Variants in TENM4 observed in about 807,000 individuals in gnomAD.
The protein encoded by TENM4 is teneurin-4.
Under a neutral mutation model 243.3 loss-of-function variants are expected in TENM4, and 82 were observed. That is an observed-to-expected ratio of 0.34 (90% CI 0.28 to 0.40). TENM4 has a LOEUF of 0.40. Ranked by LOEUF, TENM4 falls within the 10% of genes least tolerant of loss-of-function variation. TENM4 has a pLI of 1.00. For missense variants in TENM4, 3,138 were observed against 3,673.3 expected (o/e 0.85, Z 3.77); for synonymous variants, 1,412 against 1,456.3 (o/e 0.97, Z 0.69).
At chr11:79,244,761 C>T (rs1855483871) in intron 2 of TENM4, among the ~76,000 whole-genome samples, 1 of 152,174 alleles carries the variant, frequency 6.6e-6, no homozygotes, top group Admixed American at 6.5e-5. Flanking sequence ...CCTGTATCCA[C>T]AGCAGACTAG....
chr11:78,984,025 G>A (rs1857864196), intron 6 of TENM4, among the ~76,000 whole-genome samples: 1 of 152,174 alleles, frequency 6.6e-6, no homozygotes, highest in Admixed American at 6.5e-5. Flanking sequence ...GGAGTGGGAG[G>A]CAGGCAGGAA....
intron 6 of TENM4, among the ~76,000 whole-genome samples, chr11:78,932,904 C>T (rs564197326): frequency 5.3e-5 from 8 of 152,290 alleles, no homozygotes; most frequent in East Asian, 3.9e-4. Context: ...TCCTGCTGTG[C>T]GGCCTGGTTC....
chr11:79,041,547 CT>C (rs1294549901), intron 6 of TENM4, among the ~76,000 whole-genome samples: 1 of 149,094 alleles, frequency 6.7e-6, no homozygotes, highest in Admixed American at 6.7e-5. Context: ...GGAGAAGATT[CT>C]TTTTAAAACT....
At chr11:78,765,337 G>C (rs571942823) in intron 18 of TENM4, among the ~76,000 whole-genome samples, 1 of 152,322 alleles carries the variant, frequency 6.6e-6, no homozygotes, top group Non-Finnish European at 1.5e-5. Flanking sequence ...CTTATCATGA[G>C]AAATGTGGTT....
intron 2 of TENM4, among the ~76,000 whole-genome samples, chr11:79,234,448 C>G (rs1033368066): frequency 1.3e-5 from 2 of 152,198 alleles, no homozygotes; most frequent in South Asian, 4.2e-4. Flanking sequence ...TCGGGCAATT[C>G]ACTGCATGGG....
At chr11:79,276,659 C>T (rs1237230714) in intron 2 of TENM4, among the ~76,000 whole-genome samples, 1 of 152,098 alleles carries the variant, frequency 6.6e-6, no homozygotes, top group African/African-American at 2.4e-5. Flanking sequence ...GGTTACAGAA[C>T]CCACCCCTCC....
At position 78,795,379 on chromosome 11, in the gene TENM4, C is replaced by T. The variant is rs193196790; in HGVS notation, c.2180-8296G>A. On this transcript the variant is annotated intron_variant, in intron 15 of 33. Coordinates refer to ENST00000278550, the MANE Select transcript of TENM4 (RefSeq NM_001098816.3). ...AGGACAGAGTGCTCACGTAACTGTT[C>T]AAGATTCTGTGATTTTTCAGAGAAG... Among the ~76,000 whole-genome samples, 13 of 152,220 alleles carry T rather than the reference C, an allele frequency of 8.5e-5. No homozygotes were observed. The South Asian group carries it at 1.0e-3, about 12-fold the overall frequency.
At chr11:79,411,493 A>G (rs1240090619) in intron 1 of TENM4, among the ~76,000 whole-genome samples, 1 of 152,210 alleles carries the variant, frequency 6.6e-6, no homozygotes, top group Non-Finnish European at 1.5e-5. Context: ...AAGAATCAGG[A>G]CTAGGTCTGT....
At chr11:79,138,479 A>AAT (rs1862165786) in intron 4 of TENM4, among the ~76,000 whole-genome samples, 2 of 118,226 alleles carry the variant, frequency 1.7e-5, no homozygotes, top group East Asian at 2.2e-4. Flanking sequence ...ATTATATACA[A>AAT]ATAATATATA....
chr11:79,412,589 A>C (rs927320661), intron 1 of TENM4, among the ~76,000 whole-genome samples: 2 of 152,252 alleles, frequency 1.3e-5, no homozygotes, highest in African/African-American at 4.8e-5. Flanking sequence ...GAAAAGTAAC[A>C]GTCCTTACTT....
Position 78,670,404 on chromosome 11 carries a change from G to A in TENM4, c.5941C>T (p.Pro1981Ser), listed in dbSNP as rs371772071. 31 of 1,613,862 alleles carry A rather than the reference G, an allele frequency of 1.9e-5. No individual in the cohort carries two copies. Among genetic ancestry groups the A allele is most frequent in the Non-Finnish European group, 2.6e-5 (31 of 1,179,904 alleles). ...ATGACTGAGGCATTGCCCTCAGGGG[G>A]CTGATAGATGTTTCTGTAGTAGCCC... is the stretch of plus-strand genomic sequence containing the variant. ...SVGYYRNIYQ[P>S]PEGNASVIQD... Residue 1981 changes from proline to serine, a missense_variant, in exon 32 of 34, where the codon CCC becomes TCC. By Grantham distance (74) the Pro-to-Ser change is moderately conservative (BLOSUM62 -1). This residue lies in a region of TENM4 where 2,467 missense variants were observed against 3,059.1 expected (regional missense o/e 0.81). Transcript: ENST00000278550.
chr11:79,289,740 G>A (rs1304813424), intron 2 of TENM4, among the ~76,000 whole-genome samples: 1 of 152,136 alleles, frequency 6.6e-6, no homozygotes, highest in Non-Finnish European at 1.5e-5. Flanking sequence ...TGCCATTCCT[G>A]CACAAACTAT....
chr11:79,169,125 C>G (rs1209117071), intron 3 of TENM4, among the ~76,000 whole-genome samples: 1 of 152,182 alleles, frequency 6.6e-6, no homozygotes, highest in Non-Finnish European at 1.5e-5. Flanking sequence ...TGGCTGGTCA[C>G]CCAGACCCAC....
intron 1 of TENM4, among the ~76,000 whole-genome samples, chr11:79,306,525 T>C (rs749404750): frequency 5.9e-5 from 9 of 152,074 alleles, no homozygotes; most frequent in Non-Finnish European, 1.2e-4. Context: ...CAGGGCAAGA[T>C]AGGTGGGCTG....
intron 1 of TENM4, among the ~76,000 whole-genome samples, chr11:79,436,392 G>A (rs1859271675): frequency 6.6e-6 from 1 of 152,118 alleles, no homozygotes; most frequent in Admixed American, 6.5e-5. Context: ...GTAATATTGT[G>A]CCATTTTACA....
chr11:78,687,351 G>A (rs774711237), intron 29 of TENM4, among the ~76,000 whole-genome samples: 1 of 152,168 alleles, frequency 6.6e-6, no homozygotes, highest in Non-Finnish European at 1.5e-5. Context: ...TCCTTTCACT[G>A]CTTCGTGTGA....
chr11:78,889,565 A>C, intron 9 of TENM4, among the ~76,000 whole-genome samples: 1 of 152,160 alleles, frequency 6.6e-6, no homozygotes, highest in Admixed American at 6.6e-5. Context: ...TTCCTTCCTG[A>C]TATAAGTGCA....
chr11:79,117,578 A>G (rs1406515136), intron 4 of TENM4, among the ~76,000 whole-genome samples: 1 of 152,116 alleles, frequency 6.6e-6, no homozygotes, highest in Non-Finnish European at 1.5e-5. Flanking sequence ...TCTGGGGAAT[A>G]CTCTTCAACA....
chr11:78,784,060 T>C (rs1856888039), intron 16 of TENM4, among the ~76,000 whole-genome samples: 1 of 152,180 alleles, frequency 6.6e-6, no homozygotes, highest in African/African-American at 2.4e-5. Flanking sequence ...GAAATCAGTG[T>C]CATGGATACC....
Sources: allele counts gnomAD v4.1 joint callset (sites outside exome capture counted in the v4.1 genomes callset), GRCh38; gene constraint gnomAD v4.1.1; regional missense constraint gnomAD v4.1.1; transcripts MANE v1.5; gene names NCBI Gene and HGNC (gene_info 2026-07-23, HGNC 2026-07-21).